ANO2: variants seen among roughly 807,000 people sequenced by gnomAD.
The protein encoded by ANO2 is anoctamin 2, also known as anoctamin-2.
ANO2 carries 101 observed loss-of-function variants against 124.2 expected under a neutral mutation model. The observed-to-expected ratio is 0.81, with a 90% CI of 0.69 to 0.96. The LOEUF (loss-of-function observed/expected upper bound fraction) is 0.96, where lower values mean the gene tolerates loss of function less well. Among genes scored for constraint, ANO2 ranks in the 40% least tolerant of loss-of-function variants. The pLI, the probability that ANO2 is intolerant of heterozygous loss-of-function variation, is 0.00. For missense variants in ANO2, 1,293 were observed against 1,274.5 expected, an observed-to-expected ratio of 1.01 and a Z score of -0.22; for synonymous variants, 486 against 482.5, an observed-to-expected ratio of 1.01 and a Z score of -0.09.
intron 10 of ANO2, among the ~76,000 whole-genome samples, chr12:5,793,895 G>A (rs1237240256): frequency 3.3e-5 from 5 of 152,210 alleles, no homozygotes; most frequent in African/African-American, 9.6e-5. Context: ...CCCTCCGAAA[G>A]GGTACAACTG....
chr12:5,857,646 A>C (rs1461155900), intron 3 of ANO2, among the ~76,000 whole-genome samples: 1 of 151,984 alleles, frequency 6.6e-6, no homozygotes, highest in Non-Finnish European at 1.5e-5. Context: ...TTTTTCATAT[A>C]CCTGTTGTCC....
At position 5,642,257 on chromosome 12, in the gene ANO2, C is replaced by T. The variant is rs565192573; in HGVS notation, c.1620+5470G>A. Among the ~76,000 whole-genome samples, 3 of 152,272 alleles carry T rather than the reference C, an allele frequency of 2.0e-5. No homozygotes were observed. In the East Asian group the frequency reaches 5.8e-4, roughly 29 times the overall value. On this transcript the variant is annotated intron_variant, in intron 15 of 24. Coordinates refer to ENST00000682330, the MANE Select transcript of ANO2 (RefSeq NM_001364791.2). ...GGTCCTTGGAAATTTTCTCTATCTA[C>T]TCTCATTCTCTTGGTGATCTCATGC...
intron 20 of ANO2, among the ~76,000 whole-genome samples, chr12:5,583,457 T>C (rs924373637): frequency 1.1e-4 from 16 of 151,768 alleles, no homozygotes; most frequent in East Asian, 1.9e-4. Flanking sequence ...ATCGAGACCA[T>C]CTTGGCTAAC....
At chr12:5,920,846 G>A (rs1312312960) in intron 3 of ANO2, among the ~76,000 whole-genome samples, 194 bp downstream of exon 3, 1 of 152,040 alleles carries the variant, frequency 6.6e-6, no homozygotes, top group Non-Finnish European at 1.5e-5. Flanking sequence ...CAGCCTTGGT[G>A]ACAGAGCAAG....
chr12:5,834,499 T>C (rs758742176), intron 4 of ANO2, among the ~76,000 whole-genome samples: 5 of 152,190 alleles, frequency 3.3e-5, no homozygotes, highest in Non-Finnish European at 7.3e-5. Flanking sequence ...TAGAAACATA[T>C]TCGTTGAGGG....
chr12:5,906,067 A>G (rs1185282347), intron 3 of ANO2, among the ~76,000 whole-genome samples: 1 of 152,124 alleles, frequency 6.6e-6, no homozygotes, highest in Non-Finnish European at 1.5e-5. Flanking sequence ...CAAAGGCAAT[A>G]CTGCTATTGA....
At chr12:5,721,289 T>C (rs1950226097) in intron 14 of ANO2, among the ~76,000 whole-genome samples, 1 of 152,052 alleles carries the variant, frequency 6.6e-6, no homozygotes, top group South Asian at 2.1e-4. Context: ...AAGAGAGAAG[T>C]CCGTGGGAGG....
At chr12:5,799,773 C>T (rs946979872) in intron 9 of ANO2, among the ~76,000 whole-genome samples, 14 of 152,208 alleles carry the variant, frequency 9.2e-5, no homozygotes, top group African/African-American at 3.4e-4. Flanking sequence ...TGAACTTTAT[C>T]ACACTCTGAG....
rs1387023823 is a variant in ANO2 at position 5,658,979 on chromosome 12, GT to G, written c.1546-11179del. Reference sequence around the variant, plus strand: ...TGGCCCCAACTGATAAGGAAACCCAGTTAATTATGGGCAATGTTTTCTACAG... The same window carrying G: ...TGGCCCCAACTGATAAGGAAACCCAGTAATTATGGGCAATGTTTTCTACAG... On this transcript the variant is annotated intron_variant, in intron 14 of 24. Transcript: ENST00000682330. This position sits in a 1 kb window ranked among gnomAD's most constrained non-coding sequence, Gnocchi z 4.3. Among the ~76,000 whole-genome samples the G allele has an allele frequency of 1.3e-5, 2 of 152,138 alleles. No homozygotes were observed. The highest frequency in any genetic ancestry group is 2.9e-5 in the Non-Finnish European group (2 of 68,032).
chr12:5,820,221 C>T (rs1953742537), intron 7 of ANO2, among the ~76,000 whole-genome samples: 1 of 152,168 alleles, frequency 6.6e-6, no homozygotes, highest in Non-Finnish European at 1.5e-5. Flanking sequence ...ATCTTTCTCC[C>T]ATCCTTCCCC....
In ANO2 at chr12:5,832,344, G is replaced by T. The variant is rs371986045; in HGVS notation, c.785+108C>A. ...AGCATGCTTCCTACTCTCTCTCCCA[G>T]GCACTGGGGCACCCACTTTGGGAGC... On this transcript the variant is annotated intron_variant, in intron 5 of 24. Coordinates refer to ENST00000682330, the MANE Select transcript of ANO2 (RefSeq NM_001364791.2). 22 of 1,312,288 alleles carry T rather than the reference G, an allele frequency of 1.7e-5. No individual in the cohort carries two copies. In the East Asian group the frequency reaches 3.0e-4, roughly 18 times the overall value. The allele number at this position is 1,312,288 out of a possible 1,614,324, so 81.3% of individuals were successfully genotyped here. A position where few individuals can be genotyped will look rare whatever the true frequency, so the allele number is the denominator to read the frequency against.
At chr12:5,867,893 G>C (rs1565735738) in intron 3 of ANO2, among the ~76,000 whole-genome samples, 1 of 151,588 alleles carries the variant, frequency 6.6e-6, no homozygotes, top group Non-Finnish European at 1.5e-5. Context: ...AAGAGTAAAA[G>C]GGTGGTTACC....
intron 14 of ANO2, among the ~76,000 whole-genome samples, chr12:5,725,869 G>A (rs1280732164): frequency 6.6e-6 from 1 of 152,012 alleles, no homozygotes; most frequent in Admixed American, 6.6e-5. Flanking sequence ...AATGAGTTTT[G>A]TCTTCTTACT....
chr12:5,573,224 T>C lies in ANO2; in HGVS notation c.2621+2610A>G, dbSNP rs574918816. 9.9e-5 allele frequency among the ~76,000 whole-genome samples: 15 copies of C among 152,284 alleles called. No homozygotes were observed. The East Asian group carries it at 2.9e-3, about 29-fold the overall frequency. On this transcript the variant is annotated intron_variant, in intron 23 of 24. Coordinates refer to ENST00000682330, the MANE Select transcript of ANO2 (RefSeq NM_001364791.2). Reference sequence around the variant, plus strand: ...TACCTTCAACTTCCCATAGGGACCATTAAAATTCCTATTGATTTAAGCCTG... The same window carrying C: ...TACCTTCAACTTCCCATAGGGACCACTAAAATTCCTATTGATTTAAGCCTG...
chr12:5,705,668 G>T (rs1316864713), intron 14 of ANO2, among the ~76,000 whole-genome samples: 1 of 152,142 alleles, frequency 6.6e-6, no homozygotes, highest in Non-Finnish European at 1.5e-5. Context: ...ATTGCTTTTG[G>T]CCACACTATG....
intron 3 of ANO2, among the ~76,000 whole-genome samples, chr12:5,917,139 T>C (rs1941427851): frequency 6.6e-6 from 1 of 152,018 alleles, no homozygotes. Context: ...AGTCTAACAC[T>C]GGTCAGTCGC....
chr12:5,648,541 C>T (rs777628529), intron 14 of ANO2, among the ~76,000 whole-genome samples: 13 of 152,298 alleles, frequency 8.5e-5, no homozygotes, highest in East Asian at 3.9e-4. Flanking sequence ...CCTCCTTCAG[C>T]GTGCTCTGAG....
intron 7 of ANO2, among the ~76,000 whole-genome samples, chr12:5,817,494 T>C (rs899984945): frequency 6.6e-6 from 1 of 152,078 alleles, no homozygotes; most frequent in East Asian, 1.9e-4. Flanking sequence ...GCCACGGGTG[T>C]AGAAAACAAG....
intron 1 of ANO2, among the ~76,000 whole-genome samples, chr12:5,930,357 G>C (rs1942305392): frequency 1.3e-5 from 2 of 152,134 alleles, no homozygotes; most frequent in Non-Finnish European, 2.9e-5. Flanking sequence ...ATGGTCATTT[G>C]CTGTGCTTGG....
Sources: allele counts gnomAD v4.1 joint callset (sites outside exome capture counted in the v4.1 genomes callset), GRCh38; gene constraint gnomAD v4.1.1; non-coding constraint Gnocchi (gnomAD v3.1); transcripts MANE v1.5; gene names NCBI Gene and HGNC (gene_info 2026-07-23, HGNC 2026-07-21).